The following EPHA6 variants were observed in gnomAD, a reference collection of about 807,000 sequenced individuals.
The protein encoded by EPHA6 is ephrin type-A receptor 6.
In EPHA6, 50 loss-of-function variants were observed where a neutral mutation model predicts 112.0. The observed-to-expected ratio is 0.45, with a 90% CI of 0.36 to 0.56. The LOEUF (loss-of-function observed/expected upper bound fraction) is 0.56, where lower values mean the gene tolerates loss of function less well. Among genes scored for constraint, EPHA6 ranks in the 20% least tolerant of loss-of-function variants. EPHA6 has a pLI of 0.00. For synonymous variants in EPHA6, 529 were observed against 490.7 expected (o/e 1.08, Z -1.03); for missense variants, 1,280 against 1,417.4 (o/e 0.90, Z 1.56).
chr3:97,079,700 T>C (rs897807838), intron 3 of EPHA6, among the ~76,000 whole-genome samples: 5 of 151,682 alleles, frequency 3.3e-5, no homozygotes, highest in South Asian at 2.1e-4. Flanking sequence ...TCAAATAACA[T>C]TGAATACTAC....
intron 4 of EPHA6, among the ~76,000 whole-genome samples, chr3:97,231,600 G>A (rs1417265296): frequency 1.3e-5 from 2 of 152,190 alleles, no homozygotes; most frequent in African/African-American, 4.8e-5. Flanking sequence ...AATGGGGCAT[G>A]TAGACAATTG....
chr3:97,696,937 A>G (rs925926035), intron 14 of EPHA6, among the ~76,000 whole-genome samples: 21 of 152,212 alleles, frequency 1.4e-4, no homozygotes, highest in African/African-American at 4.6e-4. Context: ...TAAATTTAGT[A>G]TTAGCACTCA....
intron 3 of EPHA6, among the ~76,000 whole-genome samples, chr3:97,060,785 G>A (rs145481219): frequency 0.013 from 1,957 of 151,454 alleles, 37 homozygotes; most frequent in African/African-American, 0.042. Context: ...TTAGCCGGGC[G>A]TAGTGGCAGG....
chr3:97,519,397 A>G (rs2092500549), intron 10 of EPHA6, among the ~76,000 whole-genome samples: 3 of 152,194 alleles, frequency 2.0e-5, no homozygotes, highest in Non-Finnish European at 4.4e-5. Flanking sequence ...ATAGTGTTAT[A>G]TCTTTTGAAG....
In EPHA6 at chr3:97,448,677, C is replaced by A; in HGVS notation, c.1841C>A (p.Ala614Glu). The change falls in exon 7 of 18, where the codon GCG becomes GAG. Residue 614 changes from alanine (A) to glutamate (E), a missense_variant. Physicochemically the swap from Ala to Glu is moderately radical, Grantham distance 107. Around this residue, in one of 4 missense-constraint regions of EPHA6, gnomAD observed 878 missense variants for 999.7 expected, o/e 0.88. Coordinates refer to ENST00000389672, the MANE Select transcript of EPHA6 (RefSeq NM_001080448.3). ...KYVFHIRVRT[A>E]TGYSGYSQKF... ...GTATTTCACATCCGAGTGAGAACTG[C>A]GACAGGATACAGTGGCTACAGTCAG... is the stretch of plus-strand genomic sequence containing the variant. 6.2e-7 allele frequency: 1 copy of A among 1,613,348 alleles called. No homozygotes were observed.
chr3:97,632,362 C>T lies in EPHA6; in HGVS notation c.2575-5511C>T, dbSNP rs142455916. 1.7e-3 allele frequency among the ~76,000 whole-genome samples: 265 copies of T among 152,066 alleles called. 1 individual carries two copies. Among genetic ancestry groups the T allele is most frequent in the African/African-American group, 5.3e-3 (222 of 41,510 alleles). The stretch of plus-strand genomic sequence containing the variant: ...CAAGACAAGATATGCTCATTGTTCT[C>T]GAGATCATGTTCAATCCAGTGGGAG... On this transcript the variant is annotated intron_variant, in intron 13 of 17. Coordinates refer to ENST00000389672, the MANE Select transcript of EPHA6 (RefSeq NM_001080448.3).
At chr3:97,300,007 A>G (rs1228111912) in intron 5 of EPHA6, among the ~76,000 whole-genome samples, 1 of 152,190 alleles carries the variant, frequency 6.6e-6, no homozygotes, top group South Asian at 2.1e-4. Context: ...CCTTCACCAC[A>G]TATGAAACAT....
chr3:97,439,775 A>T (rs2090038592), intron 6 of EPHA6: 1 of 256,074 alleles, frequency 3.9e-6, no homozygotes, highest in Non-Finnish European at 6.1e-6. Flanking sequence ...TTTCTGGGAC[A>T]GTTGGCCAGC....
At chr3:97,208,614 G>A (rs551503543) in intron 3 of EPHA6, among the ~76,000 whole-genome samples, 13 of 152,108 alleles carry the variant, frequency 8.5e-5, no homozygotes, top group African/African-American at 2.4e-4. Flanking sequence ...GGACATGGTG[G>A]TGCATGCCTG....
intron 2 of EPHA6, among the ~76,000 whole-genome samples, chr3:96,944,809 G>A (rs753153815): frequency 6.6e-5 from 10 of 152,224 alleles, no homozygotes; most frequent in South Asian, 4.2e-4. Context: ...GCGTGGTGGC[G>A]CATGTCTGTA....
intron 1 of EPHA6, among the ~76,000 whole-genome samples, chr3:96,859,950 A>G (rs975817521): frequency 2.0e-5 from 3 of 152,150 alleles, no homozygotes; most frequent in Non-Finnish European, 4.4e-5. Context: ...GTTCTGCTAT[A>G]TATGCTATAA....
chr3:96,960,737 C>T (rs913257672), intron 2 of EPHA6, among the ~76,000 whole-genome samples: 5 of 152,128 alleles, frequency 3.3e-5, no homozygotes, highest in African/African-American at 9.7e-5. Context: ...TTCATCAAAA[C>T]TTTATACAGG....
chr3:96,910,602 T>A (rs183618231), intron 2 of EPHA6, among the ~76,000 whole-genome samples: 31 of 152,190 alleles, frequency 2.0e-4, no homozygotes, highest in African/African-American at 7.5e-4. Context: ...TCTGGCTTTT[T>A]TCCTATTCCT....
At chr3:97,216,648 C>T (rs1576700656) in intron 3 of EPHA6, among the ~76,000 whole-genome samples, 1 of 152,144 alleles carries the variant, frequency 6.6e-6, no homozygotes, top group South Asian at 2.1e-4. Flanking sequence ...ATAGTAAGTA[C>T]TGCCAAACAG....
chr3:97,507,581 A>T (rs2092280499), intron 10 of EPHA6, among the ~76,000 whole-genome samples: 1 of 151,826 alleles, frequency 6.6e-6, no homozygotes, highest in Non-Finnish European at 1.5e-5. Context: ...TTTATTGAGG[A>T]TTTTTGCATT....
At chr3:97,157,292 G>A (rs1387069596) in intron 3 of EPHA6, among the ~76,000 whole-genome samples, 4 of 152,068 alleles carry the variant, frequency 2.6e-5, no homozygotes, top group Admixed American at 2.6e-4. Context: ...GTGGGAAATA[G>A]TACATTCTAT....
chr3:97,247,511 A>C (rs1279978222), intron 5 of EPHA6, among the ~76,000 whole-genome samples: 2 of 151,908 alleles, frequency 1.3e-5, no homozygotes, highest in African/African-American at 4.8e-5. Context: ...AGCAACATTT[A>C]AATTAAGTTC....
chr3:97,174,730 G>A (rs749293915), intron 3 of EPHA6, among the ~76,000 whole-genome samples: 11 of 151,588 alleles, frequency 7.3e-5, no homozygotes, highest in Non-Finnish European at 1.5e-4. Flanking sequence ...TTGCCCATGT[G>A]TTGATCAGAT....
intron 1 of EPHA6, among the ~76,000 whole-genome samples, chr3:96,863,275 A>G (rs1410288866): frequency 6.6e-6 from 1 of 151,840 alleles, no homozygotes. Context: ...CTGAGTTTAC[A>G]GTGTTTTTGC....
Sources: gnomAD v4.1 joint callset for allele counts (sites outside exome capture counted in the v4.1 genomes callset) on GRCh38, gnomAD v4.1.1 for gene constraint, gnomAD v4.1.1 regional missense constraint, MANE v1.5 for transcripts, NCBI Gene and HGNC (gene_info 2026-07-23, HGNC 2026-07-21) for gene names.